The following COL12A1 variants were observed in gnomAD, a reference collection of about 807,000 sequenced individuals.
COL12A1 encodes collagen alpha-1(XII) chain.
Under a neutral mutation model 349.7 loss-of-function variants are expected in COL12A1, and 114 were observed. The observed-to-expected ratio is 0.33, with a 90% confidence interval of 0.28 to 0.38. COL12A1 has a LOEUF of 0.38. Ranked by LOEUF, COL12A1 falls within the 10% of genes least tolerant of loss-of-function variation. The probability of loss-of-function intolerance (pLI) is 1.00; values close to 1 mark genes in which losing one functional copy is unlikely to be tolerated. For synonymous variants in COL12A1, 1,369 were observed against 1,329.0 expected (o/e 1.03, Z -0.66); for missense variants, 3,284 against 3,756.9 (o/e 0.87, Z 3.29).
intron 32 of COL12A1, 85 bp from the exon 33 acceptor site, chr6:75,134,082 C>T (rs1766453116): frequency 2.1e-6 from 3 of 1,441,150 alleles, no homozygotes; most frequent in African/African-American, 2.8e-5. Flanking sequence ...CTCCCAGGCA[C>T]CCTAGAACAT....
rs1582087434 is a variant in COL12A1 at position 75,124,106 on chromosome 6, A to G, written c.6725-12T>C. On this transcript the variant is annotated splice_polypyrimidine_tract_variant and intron_variant, in intron 41 of 65. Coordinates refer to ENST00000322507, the MANE Select transcript of COL12A1 (RefSeq NM_004370.6). ...TTGTCCCCTTGTTCCTGATTATGAC[A>G]ACAAAGGAAAATGCCAGTGTCATCA... The G allele has an allele frequency of 6.2e-7, 1 of 1,609,240 alleles. No homozygotes were observed. The highest frequency in any genetic ancestry group is 1.3e-5 in the African/African-American group (1 of 74,934).
chr6:75,091,290 C>A, intron 62 of COL12A1, 33 bp downstream of exon 62: 2 of 1,574,168 alleles, frequency 1.3e-6, no homozygotes, highest in Non-Finnish European at 1.7e-6. Context: ...AATTTTAAAA[C>A]AATTCATACA....
intron 27 of COL12A1, among the ~76,000 whole-genome samples, chr6:75,140,986 G>GA (rs959861128): frequency 6.6e-6 from 1 of 152,134 alleles, no homozygotes; most frequent in African/African-American, 2.4e-5. Context: ...AACTGTTACA[G>GA]AAAAAAGGTA....
chr6:75,161,984 T>TG (rs200734461), intron 14 of COL12A1, among the ~76,000 whole-genome samples: 4,687 of 152,034 alleles, frequency 0.031, 178 homozygotes, highest in East Asian at 0.13. Context: ...TACAAACCAC[T>TG]CTCAAGGAAA....
At chr6:75,151,744 T>C in intron 20 of COL12A1, 123 bp downstream of exon 20, 8 of 1,082,998 alleles carry the variant, frequency 7.4e-6, no homozygotes, top group Non-Finnish European at 1.0e-5. Context: ...ATTATTTTGA[T>C]AAATTATGTG....
At chr6:75,099,173 T>G (rs1317886131) in intron 58 of COL12A1, among the ~76,000 whole-genome samples, 2 of 152,230 alleles carry the variant, frequency 1.3e-5, no homozygotes, top group African/African-American at 4.8e-5. Context: ...CCATAGAAGT[T>G]TAAATTATTC....
chr6:75,188,156 T>C (rs1428769657), intron 8 of COL12A1, among the ~76,000 whole-genome samples: 3 of 152,144 alleles, frequency 2.0e-5, no homozygotes, highest in African/African-American at 7.2e-5. Context: ...TGTGCAATGA[T>C]ACATTTTACT....
intron 15 of COL12A1, 114 bp from the exon 16 acceptor site, chr6:75,155,968 A>G (rs1767737345): frequency 1.8e-6 from 2 of 1,096,042 alleles, no homozygotes; most frequent in African/African-American, 3.2e-5. Context: ...GTCCGGTAGC[A>G]CAAAATAGCA....
At chr6:75,150,332 T>C (rs1399745263) in intron 21 of COL12A1, among the ~76,000 whole-genome samples, 1 of 152,128 alleles carries the variant, frequency 6.6e-6, no homozygotes, top group Admixed American at 6.5e-5. Flanking sequence ...ATAAATCCAG[T>C]TCTATAATTT....
rs778035574 is a variant in COL12A1 at position 75,131,975 on chromosome 6, A to G, written c.5902T>C (p.Tyr1968His). The G allele has an allele frequency of 6.2e-7, 1 of 1,614,136 alleles. No individual in the cohort carries two copies. Among genetic ancestry groups the G allele is most frequent in the South Asian group, 1.1e-5 (1 of 91,076 alleles). ...PGPVLQYRVV[Y>H]SPVDGTRPSE... ...GGTCTTGTGCCATCCACAGGAGAAT[A>G]CACAACGCGATATTGCAGCACAGGT... Residue 1968 changes from tyrosine (Y) to histidine (H), a missense_variant, in exon 35 of 66, where the codon TAT becomes CAT. This residue lies in a region of COL12A1 where 2,601 missense variants were observed against 2,824.8 expected (regional missense o/e 0.92). Coordinates refer to ENST00000322507, the MANE Select transcript of COL12A1 (RefSeq NM_004370.6).
At chr6:75,087,802 G>A (rs988363717) in intron 64 of COL12A1, 55 bp from the exon 65 acceptor site, 1 of 1,563,118 alleles carries the variant, frequency 6.4e-7, no homozygotes, top group Non-Finnish European at 8.7e-7. Context: ...CAACTCCTGA[G>A]GTAGCCACCA....
intron 13 of COL12A1, 138 bp downstream of exon 13, chr6:75,174,900 A>T: frequency 1.0e-6 from 1 of 1,000,710 alleles, no homozygotes; most frequent in African/African-American, 1.6e-5. Flanking sequence ...CTTTATGGTT[A>T]TTTGTTTTTC....
At chr6:75,134,584 A>T in intron 32 of COL12A1, 142 bp downstream of exon 32, 1 of 772,592 alleles carries the variant, frequency 1.3e-6, no homozygotes, top group Non-Finnish European at 1.8e-6. Context: ...AAAAAAGAAA[A>T]GAAAAAACTA....
At chr6:75,176,634 A>T (rs906819055) in intron 12 of COL12A1, among the ~76,000 whole-genome samples, 2 of 152,180 alleles carry the variant, frequency 1.3e-5, no homozygotes, top group Non-Finnish European at 2.9e-5. Context: ...TTCACCATTT[A>T]TTAGCTGTGT....
Position 75,085,371 on chromosome 6 carries a change from C to G in COL12A1, c.*1176G>C, listed in dbSNP as rs1181917190. 1 of 469,790 alleles carries G rather than the reference C, an allele frequency of 2.1e-6. No individual in the cohort carries two copies. Among genetic ancestry groups the G allele is most frequent in the South Asian group, 1.6e-5 (1 of 64,476 alleles). The allele number at this position is 469,790 out of a possible 1,614,324, so 29.1% of individuals were successfully genotyped here. A position where few individuals can be genotyped will look rare whatever the true frequency, so the allele number is the denominator to read the frequency against. On this transcript the variant is annotated 3_prime_UTR_variant, in exon 66 of 66. Transcript: ENST00000322507. ...GCCCTCGGGCACGTAAGGCTCTGTC[C>G]GATTCAACATTACAATTATGGCATG...
chr6:75,193,822 C>A (rs996828729), intron 3 of COL12A1, among the ~76,000 whole-genome samples: 1 of 151,388 alleles, frequency 6.6e-6, no homozygotes, highest in African/African-American at 2.4e-5. Flanking sequence ...TGAGAACATG[C>A]GGTGTTTGGT....
Position 75,145,437 on chromosome 6 carries a change from C to T in COL12A1, c.4579G>A (p.Val1527Met), listed in dbSNP as rs1326246352. Residue 1527 changes from valine to methionine, a missense_variant, in exon 25 of 66, where the codon GTG (valine) becomes ATG (methionine). Physicochemically the swap from Val to Met is conservative, Grantham distance 21. This residue lies in a region of COL12A1 where 2,601 missense variants were observed against 2,824.8 expected (regional missense o/e 0.92). Coordinates refer to ENST00000322507, the MANE Select transcript of COL12A1 (RefSeq NM_004370.6). Reference sequence around the variant, plus strand: ...AGGTCAGTCAGCTGCATGTCATTCACTGTTGGCCCCAAACGCACCTGCACA... The same window carrying T: ...AGGTCAGTCAGCTGCATGTCATTCATTGTTGGCCCCAAACGCACCTGCACA... ...RPKEVRLGPT[V>M]NDMQLTDLVP... 2 of 1,613,882 alleles carry T rather than the reference C, an allele frequency of 1.2e-6. No individual in the cohort carries two copies. The highest frequency in any genetic ancestry group is 3.3e-5 in the Admixed American group (2 of 60,004).
intron 52 of COL12A1, among the ~76,000 whole-genome samples, chr6:75,107,419 C>T (rs1768622687): frequency 6.6e-6 from 1 of 151,946 alleles, no homozygotes. Flanking sequence ...TACAGGCGCC[C>T]ACTACCACGC....
intron 17 of COL12A1, among the ~76,000 whole-genome samples, chr6:75,153,364 A>G (rs1767587482): frequency 6.6e-6 from 1 of 152,178 alleles, no homozygotes; most frequent in Non-Finnish European, 1.5e-5. Flanking sequence ...TAAAAATATA[A>G]GTCAGTTAAT....
Sources: allele counts gnomAD v4.1 joint callset (sites outside exome capture counted in the v4.1 genomes callset), GRCh38; gene constraint gnomAD v4.1.1; regional missense constraint gnomAD v4.1.1; transcripts MANE v1.5; gene names NCBI Gene and HGNC (gene_info 2026-07-23, HGNC 2026-07-21).